RGS7: variants seen among roughly 807,000 people sequenced by gnomAD.
The protein encoded by RGS7 is regulator of G-protein signaling 7.
A neutral mutation model predicts 81.1 loss-of-function variants in RGS7; 27 were observed. The observed-to-expected ratio is 0.33, with a 90% CI of 0.25 to 0.46. RGS7 has a LOEUF of 0.46. Among genes scored for constraint, RGS7 ranks in the 20% least tolerant of loss-of-function variants. The pLI is 1.00. For missense variants in RGS7, 396 were observed against 607.4 expected, an observed-to-expected ratio of 0.65 and a Z score of 3.66; for synonymous variants, 208 against 207.7, an observed-to-expected ratio of 1.00 and a Z score of -0.01.
At chr1:241,202,248 G>A (rs772076127) in intron 2 of RGS7, among the ~76,000 whole-genome samples, 1 of 152,140 alleles carries the variant, frequency 6.6e-6, no homozygotes, top group Non-Finnish European at 1.5e-5. Flanking sequence ...AACATCAGTT[G>A]TAGCATTTAC....
intron 3 of RGS7, among the ~76,000 whole-genome samples, chr1:241,027,273 A>T (rs1572341620): frequency 6.6e-6 from 1 of 151,750 alleles, no homozygotes; most frequent in African/African-American, 2.4e-5. Flanking sequence ...GGGAGTGGGG[A>T]GGGAAACTGG....
chr1:241,265,425 A>G (rs896022546), intron 2 of RGS7, among the ~76,000 whole-genome samples: 3 of 120,818 alleles, frequency 2.5e-5, no homozygotes, highest in African/African-American at 9.3e-5. Context: ...GGCAACAGAG[A>G]GACCAAGAAG....
Position 241,203,507 on chromosome 1 carries a change from G to A in RGS7, c.79-104745C>T, listed in dbSNP as rs968392602. On this transcript the variant is annotated intron_variant, in intron 2 of 18. Coordinates refer to ENST00000440928, the MANE Select transcript of RGS7 (RefSeq NM_001364886.1). The stretch of plus-strand genomic sequence containing the variant: ...GGGCTCCCAAAGTGCTGGGATTACA[G>A]GTGTGAGCCACCGTGCCCGGCCTGA... Among the ~76,000 whole-genome samples, 23 of 152,274 alleles carry A rather than the reference G, an allele frequency of 1.5e-4. No homozygotes were observed. The East Asian group carries it at 3.7e-3, about 24-fold the overall frequency.
At chr1:240,905,218 T>A (rs1233290452) in intron 6 of RGS7, among the ~76,000 whole-genome samples, 1 of 151,972 alleles carries the variant, frequency 6.6e-6, no homozygotes, top group Non-Finnish European at 1.5e-5. Context: ...GAAAAAAAAA[T>A]CTTATGTTCC....
intron 4 of RGS7, among the ~76,000 whole-genome samples, chr1:240,937,210 G>T (rs1676790410): frequency 6.6e-6 from 1 of 152,200 alleles, no homozygotes. Context: ...GGGACTAATA[G>T]CGTTAGGGAT....
chr1:241,233,777 C>T (rs1054898704), intron 2 of RGS7, among the ~76,000 whole-genome samples: 2 of 147,506 alleles, frequency 1.4e-5, no homozygotes, highest in African/African-American at 2.5e-5. Context: ...CTGGATCATA[C>T]GGTAGTTCTA....
chr1:241,273,154 G>C (rs1038215009), intron 2 of RGS7, among the ~76,000 whole-genome samples: 2 of 144,444 alleles, frequency 1.4e-5, no homozygotes, highest in African/African-American at 5.2e-5. Context: ...TATTATTACA[G>C]ACTAAAGTAA....
chr1:240,868,061 AAAGAAG>A lies in RGS7; in HGVS notation c.609+520_609+525del, dbSNP rs1663663028. Among the ~76,000 whole-genome samples, 1 of 151,372 alleles carries A rather than the reference AAAGAAG, an allele frequency of 6.6e-6. No homozygotes were observed. The highest frequency in any genetic ancestry group is 1.5e-5 in the Non-Finnish European group (1 of 67,844). On this transcript the variant is annotated intron_variant, in intron 9 of 18. Coordinates refer to ENST00000440928, the MANE Select transcript of RGS7 (RefSeq NM_001364886.1). This position sits in a 1 kb window ranked among gnomAD's most constrained non-coding sequence, Gnocchi z 5.1. ...GAGAAAAGAAAGAAAGAAAGAAAGA[AAAGAAG>A]AGAAAAGAAAGAAAGAAAAAGAAAG...
rs539848874 is a variant in RGS7 at position 241,040,732 on chromosome 1, C to T, written c.176-57603G>A. Among the ~76,000 whole-genome samples the T allele has an allele frequency of 2.6e-4, 39 of 152,198 alleles. 1 individual carries two copies. Among genetic ancestry groups the T allele is most frequent in the African/African-American group, 9.4e-4 (39 of 41,538 alleles). On this transcript the variant is annotated intron_variant, in intron 3 of 18. Coordinates refer to ENST00000440928, the MANE Select transcript of RGS7 (RefSeq NM_001364886.1). Reference sequence around the variant, plus strand: ...CTTGAACTCCCAACCTCAGGTGATCCGCCCACCTCGGCCTCCCAAGGTGCT... The same window carrying T: ...CTTGAACTCCCAACCTCAGGTGATCTGCCCACCTCGGCCTCCCAAGGTGCT...
rs530528314 is a variant in RGS7, at chr1:240,972,841, C to T, written c.226+10238G>A. On this transcript the variant is annotated intron_variant, in intron 4 of 18. Coordinates refer to ENST00000440928, the MANE Select transcript of RGS7 (RefSeq NM_001364886.1). ...TTGAGGCCAGCCTGGGCAACAACCC[C>T]GCCTCTCAAAAAAAAAAAAAAAAAA... is the stretch of plus-strand genomic sequence containing the variant. Among the ~76,000 whole-genome samples the T allele has an allele frequency of 8.2e-4, 112 of 137,420 alleles. 1 individual carries two copies. Among genetic ancestry groups the T allele is most frequent in the Non-Finnish European group, 4.2e-4 (27 of 64,256 alleles). 90.2% of individuals were successfully genotyped at this position (137,420 alleles called of 152,430 possible).
chr1:241,094,842 C>T (rs1386994233), intron 3 of RGS7, among the ~76,000 whole-genome samples: 2 of 152,162 alleles, frequency 1.3e-5, no homozygotes, highest in Non-Finnish European at 2.9e-5. Context: ...ATGGGCATTA[C>T]TTGGCCACCA....
At chr1:240,812,437 C>CTTTT (rs71172652) in intron 13 of RGS7, among the ~76,000 whole-genome samples, 9 of 137,644 alleles carry the variant, frequency 6.5e-5, no homozygotes, top group Non-Finnish European at 1.1e-4. Flanking sequence ...TTTCTTTTTT[C>CTTTT]TTTTTTTTTT....
At chr1:240,963,020 GA>G (rs1332014926) in intron 4 of RGS7, among the ~76,000 whole-genome samples, 1 of 152,168 alleles carries the variant, frequency 6.6e-6, no homozygotes, top group Non-Finnish European at 1.5e-5. Context: ...CTGAGTTTTG[GA>G]AAGATCATTA....
At chr1:241,249,244 G>A (rs144155746) in intron 2 of RGS7, among the ~76,000 whole-genome samples, 6 of 151,610 alleles carry the variant, frequency 4.0e-5, no homozygotes, top group South Asian at 2.1e-4. Context: ...TTCAGGTTTC[G>A]ATTTTCACTA....
intron 2 of RGS7, among the ~76,000 whole-genome samples, chr1:241,264,826 G>C (rs2077501682): frequency 6.6e-6 from 1 of 152,208 alleles, no homozygotes; most frequent in South Asian, 2.1e-4. Flanking sequence ...TCAGGAGATA[G>C]AGGGAGGACC....
intron 2 of RGS7, among the ~76,000 whole-genome samples, chr1:241,205,076 A>AT (rs10649310): frequency 0.2 from 25,150 of 125,916 alleles, 3,080 homozygotes; most frequent in Admixed American, 0.27. Context: ...TTCATTTGTG[A>AT]TTTTTTTTTT....
At chr1:240,975,007 C>T (rs1185800060) in intron 4 of RGS7, among the ~76,000 whole-genome samples, 1 of 152,066 alleles carries the variant, frequency 6.6e-6, no homozygotes, top group Admixed American at 6.6e-5. Flanking sequence ...GCTCATGACC[C>T]TCTTCAATGC....
intron 3 of RGS7, among the ~76,000 whole-genome samples, chr1:241,042,642 TGGCCG>T (rs1342471954): frequency 6.9e-6 from 1 of 144,490 alleles, no homozygotes; most frequent in Non-Finnish European, 1.5e-5. Context: ...TTATGTCCCT[TGGCCG>T]GGCCGGGCTT....
chr1:241,085,826 T>G (rs2063402548), intron 3 of RGS7, among the ~76,000 whole-genome samples: 1 of 152,220 alleles, frequency 6.6e-6, no homozygotes, highest in African/African-American at 2.4e-5. Context: ...TGGTTCTCTT[T>G]GTTAAGACTC....
Sources: gnomAD v4.1 joint callset for allele counts (sites outside exome capture counted in the v4.1 genomes callset) on GRCh38, gnomAD v4.1.1 for gene constraint, Gnocchi (gnomAD v3.1) non-coding constraint, MANE v1.5 for transcripts, NCBI Gene and HGNC (gene_info 2026-07-23, HGNC 2026-07-21) for gene names.